The following MAST4 variants were observed in gnomAD, a reference collection of about 807,000 sequenced individuals.
MAST4 encodes the protein microtubule associated serine/threonine kinase family member 4, also known as microtubule-associated serine/threonine-protein kinase 4.
In MAST4, 89 loss-of-function variants were observed where a neutral mutation model predicts 162.7. The ratio of observed to expected loss-of-function variants is 0.55; its 90% CI spans 0.46 to 0.65. The LOEUF (loss-of-function observed/expected upper bound fraction) is 0.65, where lower values mean the gene tolerates loss of function less well. MAST4 is among the 30% of genes least tolerant of loss of function. The pLI is 0.00. For synonymous variants in MAST4, 1,479 were observed against 1,361.1 expected (o/e 1.09, Z -1.91); for missense variants, 3,153 against 3,374.0 (o/e 0.93, Z 1.62).
chr5:66,947,904 A>C (rs1043230835), intron 4 of MAST4, among the ~76,000 whole-genome samples: 4 of 152,212 alleles, frequency 2.6e-5, no homozygotes, highest in Admixed American at 6.5e-5. Flanking sequence ...AAGATACATT[A>C]ATACTTATTT....
chr5:66,841,344 C>G (rs1758410179), intron 3 of MAST4, among the ~76,000 whole-genome samples: 1 of 152,120 alleles, frequency 6.6e-6, no homozygotes, highest in African/African-American at 2.4e-5. Context: ...TATGAAGATA[C>G]TAAAAATTAC....
chr5:66,704,596 G>A lies in MAST4; in HGVS notation c.364-55113G>A, dbSNP rs986840779. Among the ~76,000 whole-genome samples, 11 of 149,262 alleles carry A rather than the reference G, an allele frequency of 7.4e-5. No individual in the cohort carries two copies. The South Asian group carries it at 2.3e-3, about 31-fold the overall frequency. ...GCTCACTGCAAGCTCTGCCTCCCGG[G>A]TTCACGCCATTCTCCCGCCTCAGCC... On this transcript the variant is annotated intron_variant, in intron 1 of 28. Transcript: ENST00000403625.
chr5:66,960,132 A>G (rs549656040), intron 4 of MAST4, among the ~76,000 whole-genome samples: 4 of 152,356 alleles, frequency 2.6e-5, no homozygotes, highest in East Asian at 1.9e-4. Flanking sequence ...ATAAAATTAC[A>G]TTTCAGTGAA....
intron 1 of MAST4, among the ~76,000 whole-genome samples, chr5:66,659,454 G>A (rs1164566892): frequency 6.6e-6 from 1 of 152,226 alleles, no homozygotes; most frequent in Non-Finnish European, 1.5e-5. Context: ...ACATGTTAAA[G>A]TGTTTTTAAT....
At chr5:66,847,643 A>AAACAAC (rs1022867136) in intron 3 of MAST4, among the ~76,000 whole-genome samples, 2 of 151,756 alleles carry the variant, frequency 1.3e-5, no homozygotes, top group Middle Eastern at 3.2e-3. Context: ...TCAAAAAATA[A>AAACAAC]AACAACAACA....
chr5:66,740,285 G>C (rs928540044), intron 1 of MAST4, among the ~76,000 whole-genome samples: 2 of 152,218 alleles, frequency 1.3e-5, no homozygotes, highest in Non-Finnish European at 2.9e-5. Context: ...TTAGGAAGTT[G>C]CTGTATGTCT....
At chr5:66,687,723 T>C (rs1388898737) in intron 1 of MAST4, among the ~76,000 whole-genome samples, 5 of 152,100 alleles carry the variant, frequency 3.3e-5, no homozygotes, top group Non-Finnish European at 1.5e-5. Context: ...GATGGATACT[T>C]TGGTTGAATC....
intron 4 of MAST4, among the ~76,000 whole-genome samples, chr5:66,931,260 T>G (rs1013292780): frequency 2.0e-5 from 3 of 152,206 alleles, no homozygotes; most frequent in African/African-American, 7.2e-5. Context: ...TCCTTATTTT[T>G]ATGGAGTTTC....
chr5:67,166,335 A>G lies in MAST4; in HGVS notation c.7156A>G (p.Lys2386Glu). Residue 2386 changes from lysine to glutamate, a missense_variant, in exon 29 of 29, where the codon AAG becomes GAG. Lys to Glu is a moderately conservative substitution (Grantham distance 56, BLOSUM62 1). Around this residue, in one of 7 missense-constraint regions of MAST4, gnomAD observed 1,644 missense variants for 1,495.0 expected, o/e 1.10. Transcript: ENST00000403625. Reference protein sequence around the residue: ...EALYAPAEGDKLEAGLSFVHS... With the variant: ...EALYAPAEGDELEAGLSFVHS... ...ACTTTATGCTCCAGCAGAGGGCGACAAGCTCGAGGCCGGCCTTTCCTTTGT... is the reference window on the plus strand; with the variant it reads ...ACTTTATGCTCCAGCAGAGGGCGACGAGCTCGAGGCCGGCCTTTCCTTTGT... 1 of 1,601,372 alleles carries G rather than the reference A, an allele frequency of 6.2e-7. No homozygotes were observed. Among genetic ancestry groups the G allele is most frequent in the Non-Finnish European group, 8.5e-7 (1 of 1,173,802 alleles).
Position 67,156,040 on chromosome 5 carries a change from CAG to C in MAST4, c.3648+2463_3648+2464del, listed in dbSNP as rs1204178144. 6.4e-5 allele frequency among the ~76,000 whole-genome samples: 9 copies of C among 140,792 alleles called. No individual in the cohort carries two copies. The South Asian group carries it at 1.3e-3, about 21-fold the overall frequency. 92.4% of individuals were successfully genotyped at this position (140,792 alleles called of 152,430 possible). On this transcript the variant is annotated intron_variant, in intron 26 of 28. Coordinates refer to ENST00000403625, the MANE Select transcript of MAST4 (RefSeq NM_001164664.2). Reference sequence around the variant, plus strand: ...CGCCACTGCACTCCAGCCTGGGCGACAGAGTGAGATTCCGTCTCAAGAAAAAA... The same window carrying C: ...CGCCACTGCACTCCAGCCTGGGCGACAGTGAGATTCCGTCTCAAGAAAAAA...
At chr5:66,645,925 G>A (rs1352700500) in intron 1 of MAST4, among the ~76,000 whole-genome samples, 1 of 151,226 alleles carries the variant, frequency 6.6e-6, no homozygotes. Flanking sequence ...TCCATCTTTG[G>A]TTTTAAAACA....
At chr5:66,789,428 A>G (rs951862713) in intron 3 of MAST4, among the ~76,000 whole-genome samples, 4 of 152,194 alleles carry the variant, frequency 2.6e-5, no homozygotes, top group Non-Finnish European at 2.9e-5. Flanking sequence ...CATGTGTTGC[A>G]TTAAATTGTC....
intron 1 of MAST4, among the ~76,000 whole-genome samples, chr5:66,606,815 A>G (rs1009137744): frequency 1.3e-5 from 2 of 152,128 alleles, no homozygotes; most frequent in East Asian, 1.9e-4. Flanking sequence ...TTGAGACATA[A>G]TGTGTGGCGA....
chr5:66,633,409 T>C (rs1336402424), intron 1 of MAST4, among the ~76,000 whole-genome samples: 2 of 152,168 alleles, frequency 1.3e-5, no homozygotes, highest in Admixed American at 6.5e-5. Context: ...CAACTGGGAA[T>C]TCATAGACAT....
At chr5:66,922,510 TA>T (rs1344649618) in intron 4 of MAST4, among the ~76,000 whole-genome samples, 1 of 152,212 alleles carries the variant, frequency 6.6e-6, no homozygotes, top group African/African-American at 2.4e-5. Context: ...TGTGTACATC[TA>T]AATGTTTAAA....
intron 4 of MAST4, among the ~76,000 whole-genome samples, chr5:66,970,422 A>G (rs1265659398): frequency 1.3e-5 from 2 of 152,194 alleles, no homozygotes; most frequent in African/African-American, 4.8e-5. Context: ...TCTTCTATAA[A>G]CTTGCAGAAC....
At chr5:66,656,217 C>A (rs546772300) in intron 1 of MAST4, among the ~76,000 whole-genome samples, 1 of 152,196 alleles carries the variant, frequency 6.6e-6, no homozygotes, top group East Asian at 1.9e-4. Context: ...AATGGACTGA[C>A]CACTGCATGT....
In MAST4 at chr5:66,958,562, A is replaced by G. The variant is rs970057451; in HGVS notation, c.674+58580A>G. ...TTGCATTTCCAGTTGGTAGTTTCCT[A>G]TCATCGGGTTTGCCTGTTCACACAA... On this transcript the variant is annotated intron_variant, in intron 4 of 28. Coordinates refer to ENST00000403625, the MANE Select transcript of MAST4 (RefSeq NM_001164664.2). 2.0e-5 allele frequency among the ~76,000 whole-genome samples: 3 copies of G among 152,222 alleles called. No homozygotes were observed. The South Asian group carries it at 6.2e-4, about 32-fold the overall frequency.
intron 1 of MAST4, among the ~76,000 whole-genome samples, chr5:66,667,931 A>G (rs1747365617): frequency 6.6e-6 from 1 of 152,220 alleles, no homozygotes. Flanking sequence ...CCTAGCTTTT[A>G]AAAGAATCGC....
Sources: allele counts gnomAD v4.1 joint callset (sites outside exome capture counted in the v4.1 genomes callset), GRCh38; gene constraint gnomAD v4.1.1; regional missense constraint gnomAD v4.1.1; transcripts MANE v1.5; gene names NCBI Gene and HGNC (gene_info 2026-07-23, HGNC 2026-07-21).